Variants in PIBF1 observed in about 807,000 individuals in gnomAD.
PIBF1 encodes the protein progesterone immunomodulatory binding factor 1.
Under a neutral mutation model 112.5 loss-of-function variants are expected in PIBF1, and 90 were observed. That is an observed-to-expected ratio of 0.80 (90% CI 0.67 to 0.95). PIBF1 has a LOEUF of 0.95. PIBF1 is among the 40% of genes least tolerant of loss of function. PIBF1 has a pLI of 0.00. For missense variants in PIBF1, 915 were observed against 852.3 expected (o/e 1.07, Z -0.92); for synonymous variants, 301 against 288.6 (o/e 1.04, Z -0.44).
chr13:72,852,429 C>G (rs1304184539), intron 9 of PIBF1, among the ~76,000 whole-genome samples: 1 of 152,234 alleles, frequency 6.6e-6, no homozygotes, highest in Non-Finnish European at 1.5e-5. Context: ...CCTGTACTCA[C>G]TGACTTGCTC....
At position 72,847,974 on chromosome 13, in the gene PIBF1, T is replaced by C. The variant is rs542522786; in HGVS notation, c.1224-6083T>C. ...AATAAGCCTGTCATATAAAACAGCC[T>C]ATTTTAATCCTTTGTTGTTCTAACT... On this transcript the variant is annotated intron_variant, in intron 9 of 17. Coordinates refer to ENST00000326291, the MANE Select transcript of PIBF1 (RefSeq NM_006346.4). Among the ~76,000 whole-genome samples, 81 of 152,344 alleles carry C rather than the reference T, an allele frequency of 5.3e-4. 1 individual carries two copies. Among genetic ancestry groups the C allele is most frequent in the South Asian group, 4.1e-4 (2 of 4,832 alleles).
At chr13:72,976,349 G>A (rs1361984088) in intron 16 of PIBF1, among the ~76,000 whole-genome samples, 24 of 151,946 alleles carry the variant, frequency 1.6e-4, no homozygotes, top group Non-Finnish European at 2.9e-5. Context: ...AAGAAAGGAA[G>A]CGAAGGAGGG....
intron 13 of PIBF1, among the ~76,000 whole-genome samples, chr13:72,917,638 T>C (rs2041148175): frequency 6.6e-6 from 1 of 152,216 alleles, no homozygotes; most frequent in African/African-American, 2.4e-5. Flanking sequence ...CCACTAGTTA[T>C]CTTGTGAGAT....
intron 13 of PIBF1, among the ~76,000 whole-genome samples, chr13:72,919,804 C>A (rs1470185938): frequency 6.6e-6 from 1 of 151,960 alleles, no homozygotes; most frequent in South Asian, 2.1e-4. Flanking sequence ...CCCATCTCTA[C>A]AAAAAATACA....
intron 5 of PIBF1, among the ~76,000 whole-genome samples, chr13:72,815,526 T>G (rs1445729993): frequency 2.0e-5 from 3 of 152,196 alleles, no homozygotes; most frequent in Non-Finnish European, 2.9e-5. Context: ...AAAATAGCAA[T>G]TTTTATGATT....
At chr13:72,805,433 C>T (rs1466442033) in intron 5 of PIBF1, among the ~76,000 whole-genome samples, 1 of 152,208 alleles carries the variant, frequency 6.6e-6, no homozygotes, top group African/African-American at 2.4e-5. Flanking sequence ...TGAGCCACCA[C>T]ACCTGGCCTG....
rs150159243 is a variant in PIBF1, at chr13:72,840,340, A to G, written c.1223+4972A>G. On this transcript the variant is annotated intron_variant, in intron 9 of 17. Transcript: ENST00000326291. ...TGTTATAAAACATGAAATTCATAAT[A>G]AGTTTACACATTTAAGGTTGTGTGT... is the stretch of plus-strand genomic sequence containing the variant. Among the ~76,000 whole-genome samples, 142 of 152,290 alleles carry G rather than the reference A, an allele frequency of 9.3e-4. No homozygotes were observed. In the East Asian group the frequency reaches 0.019, roughly 20 times the overall value.
At chr13:72,886,237 T>A (rs976457858) in intron 10 of PIBF1, among the ~76,000 whole-genome samples, 1 of 151,938 alleles carries the variant, frequency 6.6e-6, no homozygotes, top group Admixed American at 6.6e-5. Context: ...ATGTTCTGAA[T>A]TTTTTTCTTT....
At chr13:72,790,546 G>GATAC (rs2138376697) in intron 2 of PIBF1, among the ~76,000 whole-genome samples, 1 of 136,604 alleles carries the variant, frequency 7.3e-6, no homozygotes, top group Admixed American at 7.3e-5. Context: ...TAGATAGATA[G>GATAC]ATAGATAGAT....
intron 17 of PIBF1, among the ~76,000 whole-genome samples, chr13:73,007,150 G>GA (rs1417903770): frequency 6.6e-6 from 1 of 151,786 alleles, no homozygotes; most frequent in Non-Finnish European, 1.5e-5. Flanking sequence ...ATTAATACCT[G>GA]AAGCAGAATG....
At chr13:72,950,917 G>T (rs192161450) in intron 14 of PIBF1, among the ~76,000 whole-genome samples, 38 of 152,332 alleles carry the variant, frequency 2.5e-4, no homozygotes, top group African/African-American at 8.7e-4. Context: ...GTAGTTCCCA[G>T]CCCACTGGGC....
At chr13:72,919,286 G>C (rs9543175) in intron 13 of PIBF1, among the ~76,000 whole-genome samples, 112,335 of 151,528 alleles carry the variant, frequency 0.74, 41,988 homozygotes, top group African/African-American at 0.81. Context: ...GAAAAGGATA[G>C]TTAGAACTTA....
intron 17 of PIBF1, among the ~76,000 whole-genome samples, chr13:73,012,181 A>G (rs763995983): frequency 4.6e-5 from 7 of 151,976 alleles, no homozygotes; most frequent in Non-Finnish European, 8.8e-5. Context: ...GTGAAACCCC[A>G]TCTCTACTAA....
chr13:72,870,713 A>G (rs1336552886), intron 10 of PIBF1, among the ~76,000 whole-genome samples: 1 of 152,088 alleles, frequency 6.6e-6, no homozygotes, highest in Non-Finnish European at 1.5e-5. Context: ...ATGGCCTTTT[A>G]GAAGAGGTGG....
intron 11 of PIBF1, among the ~76,000 whole-genome samples, chr13:72,897,583 C>T (rs139473410): frequency 7.2e-5 from 11 of 152,254 alleles, no homozygotes; most frequent in African/African-American, 2.6e-4. Context: ...ACACACCTAA[C>T]ACATAAGGAC....
At chr13:72,871,817 T>C (rs1007119044) in intron 10 of PIBF1, among the ~76,000 whole-genome samples, 1 of 152,150 alleles carries the variant, frequency 6.6e-6, no homozygotes, top group East Asian at 1.9e-4. Context: ...ACTAATAACA[T>C]AGTCATAATT....
At chr13:72,896,978 T>C (rs1160498683) in intron 11 of PIBF1, among the ~76,000 whole-genome samples, 1 of 152,158 alleles carries the variant, frequency 6.6e-6, no homozygotes, top group African/African-American at 2.4e-5. Context: ...AAAAAGATTT[T>C]CGCCTAGGCA....
intron 17 of PIBF1, among the ~76,000 whole-genome samples, chr13:73,009,749 A>G (rs1156801831): frequency 6.6e-6 from 1 of 152,176 alleles, no homozygotes; most frequent in South Asian, 2.1e-4. Context: ...AAGTCACCCT[A>G]TGAAGTAGCA....
chr13:72,854,427 A>G (rs995411907), intron 10 of PIBF1, among the ~76,000 whole-genome samples: 4 of 152,178 alleles, frequency 2.6e-5, no homozygotes, highest in African/African-American at 9.7e-5. Flanking sequence ...GAGTTTCCTT[A>G]TGGCCCTTCA....
Sources: allele counts gnomAD v4.1 joint callset (sites outside exome capture counted in the v4.1 genomes callset), GRCh38; gene constraint gnomAD v4.1.1; transcripts MANE v1.5; gene names NCBI Gene and HGNC (gene_info 2026-07-23, HGNC 2026-07-21).